TM9SF3: variants seen among roughly 807,000 people sequenced by gnomAD.
TM9SF3 encodes the protein SM-11044-binding protein.
Under a neutral mutation model 78.6 loss-of-function variants are expected in TM9SF3, and 14 were observed. That is an observed-to-expected ratio of 0.18 (90% CI 0.12 to 0.28). The LOEUF (loss-of-function observed/expected upper bound fraction) is 0.28. Among genes scored for constraint, TM9SF3 ranks in the 10% least tolerant of loss-of-function variants. The pLI is 1.00. For missense variants in TM9SF3, 496 were observed against 721.9 expected (o/e 0.69, Z 3.59); for synonymous variants, 231 against 241.7 (o/e 0.96, Z 0.41).
chr10:96,581,634 C>T (rs1848570915), intron 1 of TM9SF3, among the ~76,000 whole-genome samples: 1 of 152,156 alleles, frequency 6.6e-6, no homozygotes, highest in Admixed American at 6.5e-5. Flanking sequence ...TAACAATCTA[C>T]ATTAGATAAC....
chr10:96,535,456 T>C (rs143620676), intron 9 of TM9SF3, among the ~76,000 whole-genome samples: 108 of 152,372 alleles, frequency 7.1e-4, no homozygotes, highest in African/African-American at 2.3e-3. Context: ...TAGATTTGTA[T>C]TCATCACAAC....
chr10:96,580,403 C>CTACA (rs1411094830), intron 1 of TM9SF3, among the ~76,000 whole-genome samples: 2 of 152,132 alleles, frequency 1.3e-5, no homozygotes, highest in South Asian at 4.2e-4. Flanking sequence ...GTAACTAGGA[C>CTACA]TACAGGCGCC....
intron 9 of TM9SF3, 118 bp downstream of exon 9, chr10:96,543,958 G>T (rs1848066964): frequency 9.1e-7 from 1 of 1,095,808 alleles, no homozygotes; most frequent in African/African-American, 1.6e-5. Flanking sequence ...TTCCAGGACT[G>T]AGTATGAACT....
chr10:96,549,817 T>TAA (rs35197761), intron 7 of TM9SF3, among the ~76,000 whole-genome samples: 8 of 140,450 alleles, frequency 5.7e-5, no homozygotes, highest in African/African-American at 8.0e-5. Context: ...TTCTGCATTT[T>TAA]AAAAAAAAAA....
At chr10:96,550,479 A>C (rs1173166389) in intron 7 of TM9SF3, among the ~76,000 whole-genome samples, 3 of 152,186 alleles carry the variant, frequency 2.0e-5, no homozygotes, top group Admixed American at 6.5e-5. Context: ...ATAACTAGAG[A>C]AAAGTGTCAT....
chr10:96,565,572 T>C (rs952111828), intron 2 of TM9SF3, 146 bp from the exon 3 acceptor site: 4 of 848,814 alleles, frequency 4.7e-6, no homozygotes, highest in Admixed American at 7.3e-5. Flanking sequence ...TAAGTGTGGG[T>C]TCAGTGTACT....
intron 2 of TM9SF3, among the ~76,000 whole-genome samples, chr10:96,568,648 T>C (rs1472861097): frequency 6.6e-6 from 1 of 152,206 alleles, no homozygotes; most frequent in Non-Finnish European, 1.5e-5. Flanking sequence ...CTTTCTCTTT[T>C]GATAACATTA....
chr10:96,534,956 A>C (rs527701909), intron 9 of TM9SF3, among the ~76,000 whole-genome samples: 1 of 152,260 alleles, frequency 6.6e-6, no homozygotes, highest in African/African-American at 2.4e-5. Context: ...TTGGTCTTTT[A>C]TTCTATCTCC....
chr10:96,541,440 A>C (rs1848030180), intron 9 of TM9SF3, among the ~76,000 whole-genome samples: 1 of 151,852 alleles, frequency 6.6e-6, no homozygotes, highest in African/African-American at 2.4e-5. Context: ...CAATGGCGTG[A>C]TCTCAGCTCA....
At chr10:96,546,213 C>CTGG (rs1848097907) in intron 8 of TM9SF3, among the ~76,000 whole-genome samples, 1 of 152,140 alleles carries the variant, frequency 6.6e-6, no homozygotes. Context: ...CTACATTAAC[C>CTGG]TGGTTTTTGA....
At chr10:96,533,556 T>C (rs918199145) in intron 9 of TM9SF3, among the ~76,000 whole-genome samples, 2 of 152,236 alleles carry the variant, frequency 1.3e-5, no homozygotes, top group African/African-American at 4.8e-5. Flanking sequence ...GCTATGCTTT[T>C]TGAGCTCATA....
intron 1 of TM9SF3, chr10:96,577,546 C>T (rs1310082759): frequency 2.0e-5 from 3 of 152,124 alleles, no homozygotes; most frequent in Non-Finnish European, 4.4e-5. Context: ...GGAGGCCTGT[C>T]AAAGATTTCT....
At chr10:96,564,691 A>C (rs1164465387) in intron 3 of TM9SF3, among the ~76,000 whole-genome samples, 1 of 152,216 alleles carries the variant, frequency 6.6e-6, no homozygotes, top group Non-Finnish European at 1.5e-5. Flanking sequence ...AGAAAGAAAC[A>C]ATTAGAGAAA....
At chr10:96,573,442 C>T (rs1270631775) in intron 2 of TM9SF3, among the ~76,000 whole-genome samples, 1 of 152,194 alleles carries the variant, frequency 6.6e-6, no homozygotes, top group Non-Finnish European at 1.5e-5. Flanking sequence ...TCTACTATTT[C>T]ATCTGGACCA....
At chr10:96,540,536 A>ATC (rs1432116510) in intron 9 of TM9SF3, among the ~76,000 whole-genome samples, 2 of 152,044 alleles carry the variant, frequency 1.3e-5, no homozygotes, top group African/African-American at 4.8e-5. Context: ...TTACCAGGGA[A>ATC]TCTTTCCTCT....
rs1847761988 is a variant in TM9SF3, at chr10:96,521,082, A to T, written c.*1181T>A. 1 of 388,114 alleles carries T rather than the reference A, an allele frequency of 2.6e-6. No individual in the cohort carries two copies. Among genetic ancestry groups the T allele is most frequent in the Non-Finnish European group, 4.6e-6 (1 of 218,804 alleles). 24.0% of individuals were successfully genotyped at this position (388,114 alleles called of 1,614,324 possible). A position where few individuals can be genotyped will look rare whatever the true frequency, so the allele number is the denominator to read the frequency against. The stretch of plus-strand genomic sequence containing the variant: ...GATTAACAAAATTAAGTGTCTCTAA[A>T]TTACAAATTTGGCTCCTGTAGGAGT... On this transcript the variant is annotated 3_prime_UTR_variant, in exon 15 of 15. Transcript: ENST00000371142.
rs922387043 is a variant in TM9SF3 at position 96,524,031 on chromosome 10, G to A, written c.1703-1701C>T. Among the ~76,000 whole-genome samples, 5 of 151,746 alleles carry A rather than the reference G, an allele frequency of 3.3e-5. No individual in the cohort carries two copies. In the East Asian group the frequency reaches 9.7e-4, roughly 29 times the overall value. On this transcript the variant is annotated intron_variant, in intron 14 of 14. Transcript: ENST00000371142. Reference sequence around the variant, plus strand: ...GACATAAGGTCTAAGATTCATGTCAGAATAAAAGGGGGGGATACAAAGTGA... The same window carrying A: ...GACATAAGGTCTAAGATTCATGTCAAAATAAAAGGGGGGGATACAAAGTGA...
chr10:96,530,497 A>G lies in TM9SF3; in HGVS notation c.1394+43T>C, dbSNP rs536899304. On this transcript the variant is annotated intron_variant, in intron 11 of 14. Coordinates refer to ENST00000371142, the MANE Select transcript of TM9SF3 (RefSeq NM_020123.4). ...TCCCTAACTCCTAAATTGTCTTACT[A>G]TAATCAAATCCCTCAAAACATAAAT... 9 of 1,514,632 alleles carry G rather than the reference A, an allele frequency of 5.9e-6. No individual in the cohort carries two copies. In the South Asian group the frequency reaches 1.1e-4, roughly 18 times the overall value. 93.8% of individuals were successfully genotyped at this position (1,514,632 alleles called of 1,614,324 possible). A position where few individuals can be genotyped will look rare whatever the true frequency, so the allele number is the denominator to read the frequency against.
In TM9SF3 at chr10:96,518,574, C is replaced by T. The variant is rs565007500; in HGVS notation, c.*3689G>A. On this transcript the variant is annotated 3_prime_UTR_variant, in exon 15 of 15. Transcript: ENST00000371142. ...TTCACAAGTTTATTTCCATTCCTAA[C>T]AGTGGAATAATAACTTAATTTTGTT... 2 of 152,244 alleles carry T rather than the reference C, an allele frequency of 1.3e-5. No homozygotes were observed. Among genetic ancestry groups the T allele is most frequent in the South Asian group, 2.1e-4 (1 of 4,828 alleles). The allele number at this position is 152,244 out of a possible 1,614,324, so 9.4% of individuals were successfully genotyped here. A position where few individuals can be genotyped will look rare whatever the true frequency, so the allele number is the denominator to read the frequency against.
Sources: allele counts gnomAD v4.1 joint callset (sites outside exome capture counted in the v4.1 genomes callset), GRCh38; gene constraint gnomAD v4.1.1; transcripts MANE v1.5; gene names NCBI Gene and HGNC (gene_info 2026-07-23, HGNC 2026-07-21).